PIK3C2G: variants seen among roughly 807,000 people sequenced by gnomAD.
PIK3C2G encodes phosphatidylinositol-4-phosphate 3-kinase catalytic subunit type 2 gamma, also known as phosphatidylinositol 3-kinase C2 domain-containing subunit gamma.
Under a neutral mutation model 181.1 loss-of-function variants are expected in PIK3C2G, and 168 were observed. The observed-to-expected ratio is 0.93, with a 90% CI of 0.82 to 1.05. The LOEUF (loss-of-function observed/expected upper bound fraction) is 1.05, where lower values mean the gene tolerates loss of function less well. Ranked by LOEUF, PIK3C2G falls within the 50% of genes least tolerant of loss-of-function variation. PIK3C2G has a pLI of 0.00. For missense variants in PIK3C2G, 1,869 were observed against 1,732.8 expected (o/e 1.08, Z -1.40); for synonymous variants, 573 against 592.2 (o/e 0.97, Z 0.47).
chr12:18,283,051 G>A (rs1412381358), intron 2 of PIK3C2G, among the ~76,000 whole-genome samples: 3 of 151,962 alleles, frequency 2.0e-5, no homozygotes, highest in Non-Finnish European at 4.4e-5. Flanking sequence ...GATAAAAATA[G>A]CAGAGTTGAA....
intron 8 of PIK3C2G, among the ~76,000 whole-genome samples, chr12:18,329,377 C>T (rs1353809685): frequency 1.3e-5 from 2 of 151,928 alleles, no homozygotes; most frequent in African/African-American, 4.8e-5. Flanking sequence ...CTGTTTGCCA[C>T]TTCATGTCTC....
At chr12:18,461,832 T>C (rs979713621) in intron 18 of PIK3C2G, among the ~76,000 whole-genome samples, 3 of 152,186 alleles carry the variant, frequency 2.0e-5, no homozygotes, top group East Asian at 3.9e-4. Context: ...CTGTTGTTTA[T>C]AAGCTACCCA....
intron 29 of PIK3C2G, among the ~76,000 whole-genome samples, chr12:18,583,759 C>T (rs1051355500): frequency 5.4e-5 from 8 of 147,690 alleles, no homozygotes; most frequent in African/African-American, 2.0e-4. Context: ...GGAACACCCA[C>T]ATTCAAAGAT....
intron 24 of PIK3C2G, among the ~76,000 whole-genome samples, chr12:18,522,262 T>C (rs1203148908): frequency 1.3e-5 from 2 of 152,216 alleles, no homozygotes; most frequent in East Asian, 3.9e-4. Context: ...TTCTTCTAAC[T>C]CTCTAAAACT....
intron 32 of PIK3C2G, among the ~76,000 whole-genome samples, chr12:18,646,666 T>C (rs1950152944): frequency 6.6e-6 from 1 of 152,132 alleles, no homozygotes; most frequent in Non-Finnish European, 1.5e-5. Flanking sequence ...GTTTCTATCT[T>C]GTGACTTGGC....
the PIK3C2G span, among the ~76,000 whole-genome samples, chr12:18,721,570 A>G: frequency 6.6e-6 from 1 of 152,038 alleles, no homozygotes; most frequent in Non-Finnish European, 1.5e-5. Context: ...TACAGTGCCA[A>G]AGTAATTGTT....
the PIK3C2G span, chr12:18,685,604 A>T: frequency 1.9e-6 from 1 of 515,774 alleles, no homozygotes; most frequent in Non-Finnish European, 3.9e-6. Context: ...GTCTATGCCC[A>T]CAGAAATAGT....
intron 3 of PIK3C2G, 108 bp from the exon 4 acceptor site, chr12:18,290,747 T>C (rs1949656635): frequency 4.1e-6 from 3 of 725,234 alleles, no homozygotes; most frequent in East Asian, 2.7e-5. Flanking sequence ...AAGTCTTTTA[T>C]AGCAAAACAC....
the PIK3C2G span, chr12:18,694,788 C>A: frequency 1.2e-6 from 1 of 804,522 alleles, no homozygotes; most frequent in Non-Finnish European, 1.9e-6. Context: ...CATATAGTAC[C>A]TGAAAAGATT....
intron 31 of PIK3C2G, among the ~76,000 whole-genome samples, chr12:18,623,326 T>C (rs970402091): frequency 6.6e-6 from 1 of 151,812 alleles, no homozygotes; most frequent in East Asian, 1.9e-4. Context: ...TATGTTATTG[T>C]CACTCTTGTT....
At chr12:18,270,736 A>C (rs897642598) in intron 1 of PIK3C2G, among the ~76,000 whole-genome samples, 2 of 152,196 alleles carry the variant, frequency 1.3e-5, no homozygotes, top group African/African-American at 4.8e-5. Flanking sequence ...GAATAGTTTC[A>C]TATTCTAAAA....
chr12:18,517,811 G>A (rs571271854), intron 24 of PIK3C2G, among the ~76,000 whole-genome samples: 2 of 152,112 alleles, frequency 1.3e-5, no homozygotes, highest in African/African-American at 4.8e-5. Context: ...TCTTGTGCTG[G>A]TTTTCAAAGG....
intron 3 of PIK3C2G, among the ~76,000 whole-genome samples, chr12:18,288,970 T>C (rs1455795180): frequency 2.2e-4 from 33 of 152,202 alleles, no homozygotes; most frequent in Admixed American, 2.1e-3. Context: ...AACTAAAACA[T>C]ACACCAAACA....
At chr12:18,560,780 A>T (rs755919202) in intron 26 of PIK3C2G, among the ~76,000 whole-genome samples, 7 of 152,174 alleles carry the variant, frequency 4.6e-5, no homozygotes, top group Non-Finnish European at 1.0e-4. Flanking sequence ...TTGAAATTAC[A>T]TATTGAAAGG....
rs1591743318 is a variant in PIK3C2G at position 18,640,334 on chromosome 12, C to T, written c.4183-95C>T. The T allele has an allele frequency of 4.9e-6, 5 of 1,013,984 alleles. No homozygotes were observed. In the East Asian group the frequency reaches 1.4e-4, roughly 28 times the overall value. The allele number at this position is 1,013,984 out of a possible 1,614,324, so 62.8% of individuals were successfully genotyped here. On this transcript the variant is annotated intron_variant, in intron 31 of 32. Coordinates refer to ENST00000538779, the MANE Select transcript of PIK3C2G (RefSeq NM_001288772.2). Reference sequence around the variant, plus strand: ...CATCAACAAAGTGACTGTAATAAATCCTGATCCTGCCTTTGGTCTGGATAT... The same window carrying T: ...CATCAACAAAGTGACTGTAATAAATTCTGATCCTGCCTTTGGTCTGGATAT...
intron 3 of PIK3C2G, among the ~76,000 whole-genome samples, chr12:18,287,131 GT>G (rs1949479564): frequency 6.6e-6 from 1 of 151,938 alleles, no homozygotes; most frequent in Non-Finnish European, 1.5e-5. Context: ...TCAAATAGAT[GT>G]TTTTCTCTTA....
chr12:18,244,806 G>C (rs11043977), upstream of PIK3C2G, among the ~76,000 whole-genome samples: 41,696 of 151,914 alleles, frequency 0.27, 5,892 homozygotes, highest in Admixed American at 0.36. Flanking sequence ...GCAATGTATG[G>C]CAATATGGAG....
chr12:18,717,562 G>A, the PIK3C2G span, among the ~76,000 whole-genome samples: 9 of 152,182 alleles, frequency 5.9e-5, no homozygotes, highest in African/African-American at 2.2e-4. Flanking sequence ...ACATAGATCA[G>A]ACTATCTGAT....
intron 13 of PIK3C2G, among the ~76,000 whole-genome samples, chr12:18,374,492 G>T (rs946428700): frequency 1.3e-5 from 2 of 152,258 alleles, no homozygotes; most frequent in Admixed American, 1.3e-4. Context: ...ACTCTATGAT[G>T]AAGGAAGATT....
Sources: gnomAD v4.1 joint callset for allele counts (sites outside exome capture counted in the v4.1 genomes callset) on GRCh38, gnomAD v4.1.1 for gene constraint, MANE v1.5 for transcripts, NCBI Gene and HGNC (gene_info 2026-07-23, HGNC 2026-07-21) for gene names.